Variants in C11orf65 observed in about 807,000 individuals in gnomAD.
The protein encoded by C11orf65 is chromosome 11 open reading frame 65, also known as protein MFI.
In C11orf65, 38 loss-of-function variants were observed where a neutral mutation model predicts 35.3. That is an observed-to-expected ratio of 1.08 (90% CI 0.83 to 1.41). The LOEUF is 1.41. Among genes scored for constraint, C11orf65 ranks in the 40% most tolerant of loss-of-function variants. The probability of loss-of-function intolerance (pLI) is 0.00; values close to 1 mark genes in which losing one functional copy is unlikely to be tolerated. For synonymous variants in C11orf65, 105 were observed against 114.4 expected, an observed-to-expected ratio of 0.92 and a Z score of 0.53; for missense variants, 370 against 367.1, an observed-to-expected ratio of 1.01 and a Z score of -0.06.
At chr11:108,427,825 CTTTT>C (rs1164726398) in intron 3 of C11orf65, among the ~76,000 whole-genome samples, 1 of 59,018 alleles carries the variant, frequency 1.7e-5, no homozygotes, top group Non-Finnish European at 2.9e-5. Flanking sequence ...GAATGGCAAT[CTTTT>C]TTTTTTTTTT....
At chr11:108,410,148 G>T (rs968278483) in intron 3 of C11orf65, among the ~76,000 whole-genome samples, 1 of 152,086 alleles carries the variant, frequency 6.6e-6, no homozygotes, top group Non-Finnish European at 1.5e-5. Flanking sequence ...CCAAATTTTT[G>T]TAACAATCCC....
Position 108,322,775 on chromosome 11 carries a change from C to T in C11orf65, c.641-13704G>A, listed in dbSNP as rs117256735. Among the ~76,000 whole-genome samples, 745 of 152,064 alleles carry T rather than the reference C, an allele frequency of 4.9e-3. 3 individuals carry two copies. Among genetic ancestry groups the T allele is most frequent in the Non-Finnish European group, 7.8e-3 (530 of 67,988 alleles). ...TGCTTTTCTCTTTATAACTTTTTCCCTGGCCCACCCAGATAAAATTGTTTC... is the reference window on the plus strand; with the variant it reads ...TGCTTTTCTCTTTATAACTTTTTCCTTGGCCCACCCAGATAAAATTGTTTC... On this transcript the variant is annotated intron_variant, in intron 6 of 6. Transcript: ENST00000525729.
At chr11:108,351,942 C>A (rs1265593103) in intron 2 of C11orf65, among the ~76,000 whole-genome samples, 1 of 152,164 alleles carries the variant, frequency 6.6e-6, no homozygotes, top group Non-Finnish European at 1.5e-5. Context: ...TTCAGCCCTA[C>A]TCAGCTATAG....
chr11:108,406,690 A>C (rs1379038166), intron 5 of C11orf65, 73 bp downstream of exon 5: 1 of 989,074 alleles, frequency 1.0e-6, no homozygotes, highest in Non-Finnish European at 1.4e-6. Flanking sequence ...AAATAATTTT[A>C]AAATTAATTT....
chr11:108,403,918 G>C (rs2092489348), intron 6 of C11orf65, among the ~76,000 whole-genome samples: 1 of 152,184 alleles, frequency 6.6e-6, no homozygotes, highest in African/African-American at 2.4e-5. Flanking sequence ...TCCAAGGAAT[G>C]AGTCATCTTG....
At chr11:108,364,975 T>C (rs529889015) in intron 2 of C11orf65, 1 of 1,300,982 alleles carries the variant, frequency 7.7e-7, no homozygotes, top group South Asian at 1.3e-5. Context: ...CCCTCCCCCA[T>C]CAACTACCAT....
chr11:108,442,811 A>G (rs1168191223), intron 2 of C11orf65, among the ~76,000 whole-genome samples: 1 of 152,214 alleles, frequency 6.6e-6, no homozygotes, highest in Non-Finnish European at 1.5e-5. Flanking sequence ...CCCTTACAAC[A>G]GCTCCTGAAG....
At position 108,357,423 on chromosome 11, in the gene C11orf65, C is replaced by T. The variant is rs556995584; in HGVS notation, c.227-22131G>A. Among the ~76,000 whole-genome samples the T allele has an allele frequency of 2.4e-3, 362 of 152,318 alleles. 1 individual carries two copies. In the East Asian group the frequency reaches 0.04, roughly 17 times the overall value. ...AGGTAAACAAAGCAGCCGGGAAGCT[C>T]GAACTGGGTGGAACCCACCACAGCT... On this transcript the variant is annotated intron_variant, in intron 2 of 3. Coordinates refer to the C11orf65 transcript ENST00000524755.
intron 6 of C11orf65, among the ~76,000 whole-genome samples, chr11:108,404,798 C>T (rs942862785): frequency 6.6e-6 from 1 of 152,058 alleles, no homozygotes; most frequent in African/African-American, 2.4e-5. Context: ...ATGCCAATAC[C>T]ACAATGTCAT....
chr11:108,323,294 G>T (rs553507151), intron 6 of C11orf65, among the ~76,000 whole-genome samples: 2 of 152,174 alleles, frequency 1.3e-5, no homozygotes, highest in Non-Finnish European at 2.9e-5. Flanking sequence ...CTTACTGCCA[G>T]AAATCAAGAA....
chr11:108,382,470 AAAAG>A (rs1385622669), downstream of C11orf65, among the ~76,000 whole-genome samples: 1 of 152,236 alleles, frequency 6.6e-6, no homozygotes, highest in Non-Finnish European at 1.5e-5. Context: ...ATAACATTAT[AAAAG>A]AAAGAAATAA....
intron 2 of C11orf65, chr11:108,335,317 G>T: frequency 6.9e-7 from 1 of 1,445,546 alleles, no homozygotes; most frequent in Non-Finnish European, 9.2e-7. Flanking sequence ...TTATTATATG[G>T]TTGATTCAAG....
At chr11:108,366,437 CTG>C (rs1264235168) in intron 2 of C11orf65, 7 of 220,792 alleles carry the variant, frequency 3.2e-5, no homozygotes, top group African/African-American at 1.6e-4. Context: ...TTTTAAATGT[CTG>C]TACTTGATAG....
intron 2 of C11orf65, among the ~76,000 whole-genome samples, chr11:108,356,848 A>T (rs1430379572): frequency 6.6e-6 from 1 of 152,178 alleles, no homozygotes; most frequent in Non-Finnish European, 1.5e-5. Flanking sequence ...AGGACTTTGG[A>T]TTTCCTTTGA....
intron 2 of C11orf65, among the ~76,000 whole-genome samples, chr11:108,453,425 G>A (rs1420058887): frequency 6.6e-6 from 1 of 151,506 alleles, no homozygotes; most frequent in Non-Finnish European, 1.5e-5. Context: ...AAATATAAAT[G>A]GTCTAAACAT....
At chr11:108,356,972 A>C (rs951450346) in intron 2 of C11orf65, among the ~76,000 whole-genome samples, 11 of 152,204 alleles carry the variant, frequency 7.2e-5, no homozygotes, top group South Asian at 2.1e-4. Flanking sequence ...CAGCTCCGGT[A>C]TACAGCTCCC....
chr11:108,369,738 G>A (rs2091497045), intron 2 of C11orf65, among the ~76,000 whole-genome samples: 1 of 152,170 alleles, frequency 6.6e-6, no homozygotes, highest in Non-Finnish European at 1.5e-5. Context: ...TCCAAAAGCA[G>A]TGGTTCTTAA....
chr11:108,412,934 A>G (rs576941900), intron 3 of C11orf65, among the ~76,000 whole-genome samples: 124 of 152,342 alleles, frequency 8.1e-4, no homozygotes, highest in African/African-American at 1.5e-3. Flanking sequence ...AAAAACTGAT[A>G]AAACTGCAAG....
chr11:108,412,265 T>C (rs886150113), intron 3 of C11orf65, among the ~76,000 whole-genome samples: 1 of 151,374 alleles, frequency 6.6e-6, no homozygotes, highest in Non-Finnish European at 1.5e-5. Context: ...TCGTATAAAA[T>C]GCTCAATTAA....
Sources: allele counts gnomAD v4.1 joint callset (sites outside exome capture counted in the v4.1 genomes callset), GRCh38; gene constraint gnomAD v4.1.1; transcripts MANE v1.5; gene names NCBI Gene and HGNC (gene_info 2026-07-23, HGNC 2026-07-21).